Variants in PDE1C observed in about 807,000 individuals in gnomAD.
The protein encoded by PDE1C is phosphodiesterase 1C, also known as dual specificity calcium/calmodulin-dependent 3',5'-cyclic nucleotide phosphodiesterase 1C.
In PDE1C, 62 loss-of-function variants were observed where a neutral mutation model predicts 93.1. That is an observed-to-expected ratio of 0.67 (90% CI 0.54 to 0.82). The LOEUF is 0.82. PDE1C is among the 40% of genes least tolerant of loss of function. The pLI, the probability that PDE1C is intolerant of heterozygous loss-of-function variation, is 0.00. For synonymous variants in PDE1C, 325 were observed against 310.1 expected (o/e 1.05, Z -0.50); for missense variants, 742 against 884.6 (o/e 0.84, Z 2.04).
chr7:31,858,111 G>T (rs575745534), intron 7 of PDE1C, among the ~76,000 whole-genome samples: 43 of 152,238 alleles, frequency 2.8e-4, no homozygotes, highest in African/African-American at 9.6e-4. Context: ...CATTCAGAAG[G>T]TCTAAGAGAA....
chr7:32,082,270 A>G (rs1043058992), intron 3 of PDE1C, among the ~76,000 whole-genome samples: 1 of 152,370 alleles, frequency 6.6e-6, no homozygotes, highest in Non-Finnish European at 1.5e-5. Flanking sequence ...CTAGCACAGC[A>G]GTCTGAGATC....
chr7:31,833,374 A>C (rs534406104), intron 11 of PDE1C, among the ~76,000 whole-genome samples: 1 of 152,190 alleles, frequency 6.6e-6, no homozygotes. Context: ...TGGCTCTGCT[A>C]TAAAGATACC....
At position 32,125,049 on chromosome 7, in the gene PDE1C, T is replaced by C. The variant is rs181269082; in HGVS notation, c.308+44736A>G. Among the ~76,000 whole-genome samples, 1,353 of 152,180 alleles carry C rather than the reference T, an allele frequency of 8.9e-3. 24 individuals are homozygous for C. Among genetic ancestry groups the C allele is most frequent in the African/African-American group, 0.031 (1,286 of 41,512 alleles). ...AGAAAAAAGCAACCCCATCAAAAAG[T>C]GGGCAAATGATATGAACAGACACTT... On this transcript the variant is annotated intron_variant, in intron 3 of 18. Coordinates refer to the PDE1C transcript ENST00000396193.
At chr7:32,368,250 CA>C (rs200093678) in intron 1 of PDE1C, among the ~76,000 whole-genome samples, 2 of 150,914 alleles carry the variant, frequency 1.3e-5, no homozygotes, top group East Asian at 3.9e-4. Context: ...AAAGACTCTG[CA>C]AAAAAAAGAC....
chr7:31,967,052 A>G (rs932032869), intron 2 of PDE1C, among the ~76,000 whole-genome samples: 8 of 152,182 alleles, frequency 5.3e-5, no homozygotes, highest in African/African-American at 1.9e-4. Flanking sequence ...TAAAAGAACT[A>G]GAGAAGCAAG....
chr7:31,717,569 C>T, the PDE1C span, among the ~76,000 whole-genome samples: 17 of 151,850 alleles, frequency 1.1e-4, no homozygotes, highest in African/African-American at 4.1e-4. Context: ...GAATGGGGCC[C>T]CAAGTTGGAA....
At chr7:32,238,768 A>T (rs1295345449) in intron 1 of PDE1C, among the ~76,000 whole-genome samples, 1 of 152,262 alleles carries the variant, frequency 6.6e-6, no homozygotes, top group Non-Finnish European at 1.5e-5. Context: ...AGAACAAGTT[A>T]CAAATTAGTA....
At chr7:32,406,912 C>T (rs1026668136) in intron 1 of PDE1C, among the ~76,000 whole-genome samples, 1 of 152,138 alleles carries the variant, frequency 6.6e-6, no homozygotes, top group African/African-American at 2.4e-5. Flanking sequence ...CAGAAACTTC[C>T]CAACGATAGC....
At chr7:32,253,335 T>G (rs1809526874) in intron 1 of PDE1C, among the ~76,000 whole-genome samples, 1 of 152,202 alleles carries the variant, frequency 6.6e-6, no homozygotes. Flanking sequence ...AGATCTTTTT[T>G]GTTGCTTCTG....
At chr7:32,172,678 C>T (rs768961221) in intron 2 of PDE1C, among the ~76,000 whole-genome samples, 3 of 151,878 alleles carry the variant, frequency 2.0e-5, no homozygotes, top group African/African-American at 4.8e-5. Context: ...CAAAATTAGC[C>T]GGGCATGGTG....
At chr7:31,968,173 C>T (rs942028549) in intron 2 of PDE1C, among the ~76,000 whole-genome samples, 1 of 152,182 alleles carries the variant, frequency 6.6e-6, no homozygotes, top group Non-Finnish European at 1.5e-5. Context: ...CAAATTGTCC[C>T]TGTTTGCAGA....
chr7:31,702,131 T>C, the PDE1C span, among the ~76,000 whole-genome samples: 2 of 152,192 alleles, frequency 1.3e-5, no homozygotes, highest in East Asian at 3.9e-4. Context: ...TTAGTCATTC[T>C]ACAGGTTATG....
chr7:32,290,890 C>T (rs1188913351), intron 1 of PDE1C, among the ~76,000 whole-genome samples: 1 of 152,048 alleles, frequency 6.6e-6, no homozygotes, highest in Non-Finnish European at 1.5e-5. Context: ...CAAAGTCATC[C>T]TTACAGTTTT....
At chr7:31,952,869 A>T (rs1455428302) in intron 2 of PDE1C, among the ~76,000 whole-genome samples, 1 of 152,166 alleles carries the variant, frequency 6.6e-6, no homozygotes, top group Non-Finnish European at 1.5e-5. Flanking sequence ...CCTTAACAAG[A>T]CAATGCCAAC....
chr7:32,261,707 C>G (rs970889163), intron 1 of PDE1C, among the ~76,000 whole-genome samples: 1 of 152,182 alleles, frequency 6.6e-6, no homozygotes, highest in African/African-American at 2.4e-5. Context: ...TTACATTGAA[C>G]CTGCCCAGAA....
chr7:32,152,544 G>A (rs1366037938), intron 3 of PDE1C, among the ~76,000 whole-genome samples: 2 of 152,174 alleles, frequency 1.3e-5, no homozygotes. Context: ...GCTGGAAGAA[G>A]CCCCATGAAA....
chr7:32,378,884 G>A (rs909832438), intron 1 of PDE1C, among the ~76,000 whole-genome samples: 1 of 152,174 alleles, frequency 6.6e-6, no homozygotes, highest in East Asian at 1.9e-4. Flanking sequence ...CACTGGCCTC[G>A]CATCAATTAA....
intron 2 of PDE1C, among the ~76,000 whole-genome samples, chr7:31,916,052 G>A (rs1025199756): frequency 1.3e-5 from 2 of 151,870 alleles, no homozygotes; most frequent in Non-Finnish European, 2.9e-5. Context: ...TATGGGGGGG[G>A]CACCTCTCAA....
At chr7:32,327,761 C>T (rs1201642479) in intron 1 of PDE1C, among the ~76,000 whole-genome samples, 2 of 95,944 alleles carry the variant, frequency 2.1e-5, no homozygotes, top group African/African-American at 8.1e-5. Flanking sequence ...CAGCGCTAGA[C>T]TCTGTCTCAA....
Sources: gnomAD v4.1 joint callset for allele counts (sites outside exome capture counted in the v4.1 genomes callset) on GRCh38, gnomAD v4.1.1 for gene constraint, MANE v1.5 for transcripts, NCBI Gene and HGNC (gene_info 2026-07-23, HGNC 2026-07-21) for gene names.